ZNF716: variants seen among roughly 807,000 people sequenced by gnomAD.
The protein encoded by ZNF716 is zinc finger protein 716.
ZNF716 carries 9 observed loss-of-function variants against 13.4 expected under a neutral mutation model. The ratio of observed to expected loss-of-function variants is 0.67; its 90% confidence interval spans 0.41 to 1.18. The LOEUF is 1.18. Ranked by LOEUF, ZNF716 falls within the 50% of genes most tolerant of loss-of-function variation. The probability of loss-of-function intolerance (pLI) is 0.01; values close to 1 mark genes in which losing one functional copy is unlikely to be tolerated. For missense variants in ZNF716, 581 were observed against 576.6 expected, an observed-to-expected ratio of 1.01 and a Z score of -0.08; for synonymous variants, 186 against 195.2, an observed-to-expected ratio of 0.95 and a Z score of 0.39.
intron 1 of ZNF716, among the ~76,000 whole-genome samples, chr7:57,457,836 T>G (rs1293879014): frequency 6.6e-6 from 1 of 152,168 alleles, no homozygotes; most frequent in Non-Finnish European, 1.5e-5. Flanking sequence ...GGCCTCAGAG[T>G]CTGTTGTTCT....
chr7:57,459,914 C>T lies in ZNF716; in HGVS notation c.40-2546C>T, dbSNP rs555604445. 1.2e-3 allele frequency among the ~76,000 whole-genome samples: 177 copies of T among 152,204 alleles called. 2 individuals carry two copies. The highest frequency in any genetic ancestry group is 0.011 in the Admixed American group (166 of 15,264). ...ATGGGTGAATGTTTTCTGCAAGTCT[C>T]GGTCTTTCTGCCCGTGGGTGTGTGT... On this transcript the variant is annotated intron_variant, in intron 1 of 3. Transcript: ENST00000420713.
intron 3 of ZNF716, among the ~76,000 whole-genome samples, chr7:57,463,556 A>G (rs1426624936): frequency 4.6e-5 from 7 of 152,176 alleles, no homozygotes; most frequent in African/African-American, 1.7e-4. Context: ...GTGTGAGAAT[A>G]GTAGTTTCTG....
At chr7:57,467,046 T>C (rs2116422839) in intron 3 of ZNF716, among the ~76,000 whole-genome samples, 1 of 151,446 alleles carries the variant, frequency 6.6e-6, no homozygotes, top group South Asian at 2.1e-4. Flanking sequence ...TGTGTGTCTA[T>C]AAAGATTTTT....
chr7:57,456,889 T>C (rs1341033807), intron 1 of ZNF716, among the ~76,000 whole-genome samples: 6 of 150,546 alleles, frequency 4.0e-5, no homozygotes, highest in African/African-American at 1.5e-4. Flanking sequence ...CTGCACACTG[T>C]CCTGTGATTC....
chr7:57,455,336 A>C (rs1263978066), intron 1 of ZNF716, among the ~76,000 whole-genome samples: 1 of 152,222 alleles, frequency 6.6e-6, no homozygotes, highest in Non-Finnish European at 1.5e-5. Flanking sequence ...AAGTTGATTA[A>C]AAAATATTTT....
chr7:57,470,836 C>A lies in ZNF716; in HGVS notation c.*887C>A, dbSNP rs1290732157. 6.6e-6 allele frequency: 1 copy of A among 151,984 alleles called. No individual in the cohort carries two copies. The highest frequency in any genetic ancestry group is 2.4e-5 in the African/African-American group (1 of 41,392). The allele number at this position is 151,984 out of a possible 1,614,324, so 9.4% of individuals were successfully genotyped here. On this transcript the variant is annotated 3_prime_UTR_variant, in exon 4 of 4. Transcript: ENST00000420713. ...AAAATGTGACAGCATTTAACCACAC[C>A]TGACATTTTTCTAAAATAGAGAAAT...
intron 1 of ZNF716, among the ~76,000 whole-genome samples, chr7:57,454,957 C>T (rs1337299571): frequency 1.3e-5 from 2 of 151,462 alleles, no homozygotes; most frequent in East Asian, 1.9e-4. Context: ...ACCCAGGAGG[C>T]GGAGCTTGCA....
chr7:57,461,100 T>C (rs1445134054), intron 1 of ZNF716, among the ~76,000 whole-genome samples: 1 of 138,514 alleles, frequency 7.2e-6, no homozygotes, highest in Non-Finnish European at 1.6e-5. Flanking sequence ...TGAAACCTTG[T>C]CTCTGCTAAA....
At chr7:57,451,414 C>T (rs941780771) in intron 1 of ZNF716, among the ~76,000 whole-genome samples, 1 of 151,210 alleles carries the variant, frequency 6.6e-6, no homozygotes, top group East Asian at 2.0e-4. Flanking sequence ...TATTTTTACA[C>T]CCCACAGGAA....
chr7:57,463,334 C>T (rs186138452), intron 3 of ZNF716, among the ~76,000 whole-genome samples, 166 bp downstream of exon 3: 42 of 152,264 alleles, frequency 2.8e-4, no homozygotes, highest in African/African-American at 9.9e-4. Flanking sequence ...CCTTCTACTC[C>T]ATGCTTTTAA....
At chr7:57,452,141 T>G (rs1017110210) in intron 1 of ZNF716, among the ~76,000 whole-genome samples, 1 of 152,164 alleles carries the variant, frequency 6.6e-6, no homozygotes, top group East Asian at 1.9e-4. Context: ...CAATAAAATA[T>G]TAAATTTTCA....
chr7:57,456,107 C>T (rs1789585337), intron 1 of ZNF716, among the ~76,000 whole-genome samples: 1 of 151,982 alleles, frequency 6.6e-6, no homozygotes, highest in Non-Finnish European at 1.5e-5. Context: ...AGGCACCCAC[C>T]ACCATGCCCG....
At position 57,473,245 on chromosome 7, in the gene ZNF716, T is replaced by C. The variant is rs1789978863; in HGVS notation, c.*3296T>C. ...ATACAAATATATTACTCTAAAGATA[T>C]ACCAGCCGAGCACAGTGGCTCCCAG... On this transcript the variant is annotated 3_prime_UTR_variant, in exon 4 of 4. Coordinates refer to ENST00000420713, the MANE Select transcript of ZNF716 (RefSeq NM_001159279.1). 1 of 152,134 alleles carries C rather than the reference T, an allele frequency of 6.6e-6. No homozygotes were observed. The highest frequency in any genetic ancestry group is 1.5e-5 in the Non-Finnish European group (1 of 68,024). 9.4% of individuals were successfully genotyped at this position (152,134 alleles called of 1,614,324 possible).
intron 1 of ZNF716, among the ~76,000 whole-genome samples, chr7:57,453,158 A>G (rs960898152): frequency 5.3e-5 from 8 of 152,148 alleles, no homozygotes; most frequent in South Asian, 2.1e-4. Flanking sequence ...TGTGAAGGGA[A>G]GAAAACTACC....
At position 57,471,096 on chromosome 7, in the gene ZNF716, C is replaced by T. The variant is rs1789926669; in HGVS notation, c.*1147C>T. On this transcript the variant is annotated 3_prime_UTR_variant, in exon 4 of 4. Coordinates refer to ENST00000420713, the MANE Select transcript of ZNF716 (RefSeq NM_001159279.1). Reference sequence around the variant, plus strand: ...GCCATTAATGTCTGTTCACATCTTACTCAATATCAGAAAGTTTATACTTAA... The same window carrying T: ...GCCATTAATGTCTGTTCACATCTTATTCAATATCAGAAAGTTTATACTTAA... 6.6e-6 allele frequency: 1 copy of T among 152,032 alleles called. No individual in the cohort carries two copies. The highest frequency in any genetic ancestry group is 2.4e-5 in the African/African-American group (1 of 41,406). 9.4% of individuals were successfully genotyped at this position (152,032 alleles called of 1,614,324 possible).
chr7:57,454,296 T>C (rs1356279330), intron 1 of ZNF716, among the ~76,000 whole-genome samples: 5 of 152,248 alleles, frequency 3.3e-5, no homozygotes, highest in Admixed American at 6.5e-5. Flanking sequence ...GCTTTTCTTA[T>C]TGAGCTATAA....
chr7:57,450,303 G>A lies in ZNF716; in HGVS notation c.15G>A (p.Pro5=), dbSNP rs185976377. 1.2e-6 allele frequency: 2 copies of A among 1,613,940 alleles called. No homozygotes were observed. Among genetic ancestry groups the A allele is most frequent in the Middle Eastern group, 1.7e-4 (1 of 6,060 alleles). The stretch of plus-strand genomic sequence containing the variant: ...TTCGCAGATTTATGGCTAAAAGACC[G>A]GGACCCCCTGGAAGCCGAGAAATGG... MAKR[P]GPPGSREMGL... is the part of the protein sequence containing the mutation. Residue 5 remains proline (P), a synonymous_variant, in exon 1 of 4, where the codon CCG becomes CCA. Transcript: ENST00000420713.
In ZNF716 at chr7:57,471,531, T is replaced by C. The variant is rs1423573782; in HGVS notation, c.*1582T>C. ...AAACATTAAAACATAAAGAGGATTG[T>C]GTAGTACCTTTATTTGTATTACGGA... On this transcript the variant is annotated 3_prime_UTR_variant, in exon 4 of 4. Transcript: ENST00000420713. The C allele has an allele frequency of 6.6e-6, 1 of 152,224 alleles. No homozygotes were observed. Among genetic ancestry groups the C allele is most frequent in the Non-Finnish European group, 1.5e-5 (1 of 68,030 alleles). 9.4% of individuals were successfully genotyped at this position (152,224 alleles called of 1,614,324 possible). A position where few individuals can be genotyped will look rare whatever the true frequency, so the allele number is the denominator to read the frequency against.
intron 3 of ZNF716, among the ~76,000 whole-genome samples, chr7:57,465,926 C>G (rs782092711): frequency 3.0e-4 from 46 of 151,742 alleles, no homozygotes; most frequent in Non-Finnish European, 5.6e-4. Flanking sequence ...AGTAAACTAT[C>G]GCAAGAACAA....
Sources: gnomAD v4.1 joint callset for allele counts (sites outside exome capture counted in the v4.1 genomes callset) on GRCh38, gnomAD v4.1.1 for gene constraint, MANE v1.5 for transcripts, NCBI Gene and HGNC (gene_info 2026-07-23, HGNC 2026-07-21) for gene names.